Variants in PHF21A observed in about 807,000 individuals in gnomAD.
PHF21A encodes the protein BHC80a.
Under a neutral mutation model 82.5 loss-of-function variants are expected in PHF21A, and 11 were observed. The observed-to-expected ratio is 0.13, with a 90% CI of 0.08 to 0.22. The LOEUF is 0.22. Among genes scored for constraint, PHF21A ranks in the 10% least tolerant of loss-of-function variants. The pLI is 1.00. For synonymous variants in PHF21A, 297 were observed against 302.8 expected, an observed-to-expected ratio of 0.98 and a Z score of 0.20; for missense variants, 579 against 837.8, an observed-to-expected ratio of 0.69 and a Z score of 3.81.
intron 1 of PHF21A, among the ~76,000 whole-genome samples, chr11:46,108,789 A>G (rs1416358559): frequency 6.6e-6 from 1 of 152,164 alleles, no homozygotes; most frequent in Non-Finnish European, 1.5e-5. Context: ...TAGTGAATGT[A>G]AACCATTTGC....
At chr11:46,049,592 T>C (rs1183957869) in intron 6 of PHF21A, 3 of 415,244 alleles carry the variant, frequency 7.2e-6, no homozygotes, top group East Asian at 1.5e-4. Context: ...AGGAGAAGCA[T>C]ATTTCTGGTT....
chr11:46,021,942 G>C (rs2095640546), intron 6 of PHF21A, among the ~76,000 whole-genome samples: 1 of 152,154 alleles, frequency 6.6e-6, no homozygotes, highest in Non-Finnish European at 1.5e-5. Flanking sequence ...CATGGGAACA[G>C]AAAATACAGG....
In PHF21A at chr11:45,969,835, G is replaced by A. The variant is rs773045696; in HGVS notation, c.682C>T (p.Arg228Cys). The A allele has an allele frequency of 1.9e-6, 3 of 1,612,870 alleles. No homozygotes were observed. Among genetic ancestry groups the A allele is most frequent in the East Asian group, 2.2e-5 (1 of 44,866 alleles). The part of the protein sequence containing the change: ...QFIPPPRLTP[R>C]PNFLPQVRPK... ...CTCACCTGTGGAAGAAAGTTTGGAC[G>A]TGGAGTGAGTCTAGGAGGGGGGATA... Residue 228 changes from arginine to cysteine, a missense_variant, in exon 9 of 19, where the codon CGT becomes TGT. Around this residue, in one of 3 missense-constraint regions of PHF21A, gnomAD observed 410 missense variants for 642.1 expected, o/e 0.64. Transcript: ENST00000676320.
intron 6 of PHF21A, among the ~76,000 whole-genome samples, chr11:46,047,460 G>C (rs541024631): frequency 1.3e-5 from 2 of 151,926 alleles, no homozygotes; most frequent in Non-Finnish European, 2.9e-5. Context: ...TTCCTGGCTT[G>C]TTCTTCTGGA....
chr11:46,058,072 C>T (rs747077675), intron 6 of PHF21A, among the ~76,000 whole-genome samples: 5 of 152,164 alleles, frequency 3.3e-5, no homozygotes, highest in Non-Finnish European at 7.4e-5. Flanking sequence ...TTTAACAAAG[C>T]CTTGTTAAAT....
At chr11:46,028,037 T>C (rs1244445987) in intron 6 of PHF21A, among the ~76,000 whole-genome samples, 72 of 152,226 alleles carry the variant, frequency 4.7e-4, no homozygotes, top group Non-Finnish European at 1.5e-5. Flanking sequence ...AGTTGAAATT[T>C]AATAGGCTAG....
chr11:45,951,182 T>C (rs943561079), intron 11 of PHF21A, among the ~76,000 whole-genome samples: 2 of 152,248 alleles, frequency 1.3e-5, no homozygotes, highest in Admixed American at 1.3e-4. Flanking sequence ...TTTCTAAATA[T>C]GCCAAATAAT....
intron 10 of PHF21A, among the ~76,000 whole-genome samples, chr11:45,959,097 T>C (rs1246080588): frequency 6.6e-6 from 1 of 151,984 alleles, no homozygotes; most frequent in Non-Finnish European, 1.5e-5. Context: ...AGTGGAAGGG[T>C]GGTTCAATGT....
intron 15 of PHF21A, among the ~76,000 whole-genome samples, chr11:45,944,114 A>G (rs2090897391): frequency 6.6e-6 from 1 of 152,258 alleles, no homozygotes; most frequent in African/African-American, 2.4e-5. Flanking sequence ...CACAAAAGTA[A>G]GTAAGGGACA....
At chr11:46,062,386 G>C (rs890638597) in intron 6 of PHF21A, among the ~76,000 whole-genome samples, 1 of 151,908 alleles carries the variant, frequency 6.6e-6, no homozygotes, top group Non-Finnish European at 1.5e-5. Flanking sequence ...CTATTCTACT[G>C]TCTATCCCCC....
chr11:46,031,970 G>C (rs1321536275), intron 6 of PHF21A, among the ~76,000 whole-genome samples: 1 of 152,140 alleles, frequency 6.6e-6, no homozygotes, highest in Non-Finnish European at 1.5e-5. Flanking sequence ...ACATCTTTTT[G>C]TTCTCTTCCA....
chr11:45,959,518 T>C (rs1163847902), intron 10 of PHF21A, among the ~76,000 whole-genome samples: 2 of 152,204 alleles, frequency 1.3e-5, no homozygotes, highest in African/African-American at 4.8e-5. Context: ...CCATTGCTAT[T>C]TGATATTGTA....
At chr11:45,985,947 A>AT (rs1219912694) in intron 6 of PHF21A, among the ~76,000 whole-genome samples, 1 of 152,096 alleles carries the variant, frequency 6.6e-6, no homozygotes, top group Non-Finnish European at 1.5e-5. Flanking sequence ...ATTATCAGAG[A>AT]TTTTTTTCAG....
chr11:45,983,384 A>G (rs560011183), intron 6 of PHF21A, among the ~76,000 whole-genome samples: 1 of 152,242 alleles, frequency 6.6e-6, no homozygotes, highest in East Asian at 1.9e-4. Flanking sequence ...TTTAAAAGAT[A>G]GCGTTGGTAT....
chr11:45,944,446 C>T (rs2090960589), intron 15 of PHF21A, among the ~76,000 whole-genome samples: 1 of 152,052 alleles, frequency 6.6e-6, no homozygotes, highest in African/African-American at 2.4e-5. Context: ...AAAATAAATA[C>T]CGAAAAATTA....
In PHF21A at chr11:45,938,268, G is replaced by C. The variant is rs2089566968; in HGVS notation, c.1497C>G (p.Gly499=). Residue 499 remains glycine (G), a synonymous_variant, in exon 16 of 19, where the codon GGC becomes GGG. Transcript: ENST00000676320. The part of the protein sequence containing the change: ...EDFCSVCRKS[G]QLLMCDTCSR... ...AACATGTGTCGCACATCAGTAACTG[G>C]CCACTTTTTCTGCAAACGCTGCAAA... 1.9e-6 allele frequency: 3 copies of C among 1,611,264 alleles called. No individual in the cohort carries two copies. Among genetic ancestry groups the C allele is most frequent in the Non-Finnish European group, 2.5e-6 (3 of 1,178,734 alleles).
chr11:46,111,596 G>C (rs148736290), intron 1 of PHF21A, among the ~76,000 whole-genome samples: 4 of 152,286 alleles, frequency 2.6e-5, no homozygotes, highest in African/African-American at 9.6e-5. Context: ...ATAAGATACT[G>C]GCTAAGCAAG....
chr11:45,966,645 G>A (rs762240874), intron 9 of PHF21A, among the ~76,000 whole-genome samples: 4 of 152,088 alleles, frequency 2.6e-5, no homozygotes, highest in Non-Finnish European at 5.9e-5. Flanking sequence ...GTTTGAGATG[G>A]AGTCTCGCTC....
intron 9 of PHF21A, among the ~76,000 whole-genome samples, chr11:45,966,679 G>C (rs1267985068): frequency 6.6e-6 from 1 of 152,142 alleles, no homozygotes; most frequent in African/African-American, 2.4e-5. Flanking sequence ...GAGTGCAGTG[G>C]CGCGACCTCG....
Sources: gnomAD v4.1 joint callset for allele counts (sites outside exome capture counted in the v4.1 genomes callset) on GRCh38, gnomAD v4.1.1 for gene constraint, gnomAD v4.1.1 regional missense constraint, MANE v1.5 for transcripts, NCBI Gene and HGNC (gene_info 2026-07-23, HGNC 2026-07-21) for gene names.